The following TBXT variants were observed in gnomAD, a reference collection of about 807,000 sequenced individuals.
TBXT encodes T-box transcription factor T.
In TBXT, 19 loss-of-function variants were observed where a neutral mutation model predicts 41.1. The ratio of observed to expected loss-of-function variants is 0.46; its 90% confidence interval spans 0.32 to 0.68. The LOEUF (loss-of-function observed/expected upper bound fraction) is 0.68. Ranked by LOEUF, TBXT falls within the 30% of genes least tolerant of loss-of-function variation. TBXT has a pLI of 0.03. For synonymous variants in TBXT, 213 were observed against 238.9 expected (o/e 0.89, Z 1.00); for missense variants, 536 against 582.0 (o/e 0.92, Z 0.81).
rs983427901 is a variant in TBXT, at chr6:166,167,719, C to G, written c.-128G>C. The G allele has an allele frequency of 1.8e-4, 213 of 1,178,104 alleles. No homozygotes were observed. Among genetic ancestry groups the G allele is most frequent in the Middle Eastern group, 8.5e-4 (3 of 3,550 alleles). The allele number at this position is 1,178,104 out of a possible 1,614,324, so 73.0% of individuals were successfully genotyped here. A position where few individuals can be genotyped will look rare whatever the true frequency, so the allele number is the denominator to read the frequency against. On this transcript the variant is annotated 5_prime_UTR_variant, in exon 1 of 8. Coordinates refer to ENST00000366876, the MANE Select transcript of TBXT (RefSeq NM_001366285.2). ...CCTTGGACCGAGACCTGCGACGGCT[C>G]CCGGGTCCCGGGTCCCGGCACAGAC...
At chr6:166,163,367 A>G (rs931676177) in intron 5 of TBXT, among the ~76,000 whole-genome samples, 1 of 152,106 alleles carries the variant, frequency 6.6e-6, no homozygotes, top group African/African-American at 2.4e-5. Flanking sequence ...CTCTAAAACT[A>G]CAATTTCTTG....
Position 166,158,345 on chromosome 6 carries a change from T to C in TBXT, c.1281A>G (p.Ser427=), listed in dbSNP as rs1778845889. ...TGGAAGGTGGCGACACAGGTGTCCA[T>C]GAGGCTATGAGGCGGCCTTGGGCTG... ...DAAAQGRLIA[S]WTPVSPPSM The change falls in exon 8 of 8, where the codon TCA becomes TCG. Residue 427 remains serine (S), a synonymous_variant. Transcript: ENST00000366876. 4 of 1,614,184 alleles carry C rather than the reference T, an allele frequency of 2.5e-6. No homozygotes were observed. The highest frequency in any genetic ancestry group is 3.4e-6 in the Non-Finnish European group (4 of 1,180,032).
chr6:166,162,626 G>A lies in TBXT; in HGVS notation c.731-3C>T, dbSNP rs1308644709. The A allele has an allele frequency of 1.2e-6, 2 of 1,609,296 alleles. No homozygotes were observed. Among genetic ancestry groups the A allele is most frequent in the Admixed American group, 1.7e-5 (1 of 59,086 alleles). On this transcript the variant is annotated splice_region_variant and splice_polypyrimidine_tract_variant and intron_variant, in intron 5 of 7. Coordinates refer to ENST00000366876, the MANE Select transcript of TBXT (RefSeq NM_001366285.2). ...TCCAGGAAGAAGCCACCCCCCTGCT[G>A]TGAGAAAAGACAGTGCTGAGTAACC...
Position 166,167,498 on chromosome 6 carries a change from T to C in TBXT, c.94A>G (p.Ser32Gly), listed in dbSNP as rs150278117. ...CGCTCTGTGGGGTCGCCCTTCTCGC[T>C]GCCCGCCTGCAGCTCATTCTCCACG... Reference protein sequence around the residue: ...SAVENELQAGSEKGDPTEREL... With the variant: ...SAVENELQAGGEKGDPTEREL... Residue 32 changes from serine to glycine, a missense_variant, in exon 1 of 8, where the codon AGC (serine) becomes GGC (glycine). Physicochemically the swap from Ser to Gly is moderately conservative, Grantham distance 56 (BLOSUM62 0). Transcript: ENST00000366876. 1.9e-6 allele frequency: 3 copies of C among 1,609,090 alleles called. No individual in the cohort carries two copies. The highest frequency in any genetic ancestry group is 1.7e-5 in the Admixed American group (1 of 59,926).
chr6:166,165,775 C>T lies in TBXT; in HGVS notation c.537G>A (p.Gln179=), dbSNP rs2128523129. Residue 179 remains glutamine, a synonymous_variant, in exon 3 of 8, where the codon CAG becomes CAA. Coordinates refer to ENST00000366876, the MANE Select transcript of TBXT (RefSeq NM_001366285.2). The stretch of plus-strand genomic sequence containing the variant: ...GGAAGCAGTGGCTGGTGATCATGCG[C>T]TGTGGACCCCCAACTCTCACTATGT... ...RIHIVRVGGP[Q]RMITSHCFPE... 6.2e-7 allele frequency: 1 copy of T among 1,614,214 alleles called. No homozygotes were observed. Among genetic ancestry groups the T allele is most frequent in the South Asian group, 1.1e-5 (1 of 91,080 alleles).
intron 7 of TBXT, among the ~76,000 whole-genome samples, chr6:166,158,979 C>A (rs1356855252): frequency 6.6e-6 from 1 of 152,182 alleles, no homozygotes; most frequent in Non-Finnish European, 1.5e-5. Flanking sequence ...TCAAGGCCAG[C>A]CTGACTAACA....
upstream of TBXT, chr6:166,167,883 T>C (rs1030090406): frequency 6.0e-6 from 3 of 499,180 alleles, no homozygotes; most frequent in Middle Eastern, 5.5e-4. Flanking sequence ...TCCCCATAAA[T>C]AGAGCCGCGG....
chr6:166,166,739 T>C lies in TBXT; in HGVS notation c.324A>G (p.Glu108=), dbSNP rs1307073495. The change falls in exon 2 of 8, where the codon GAA becomes GAG. Residue 108 remains glutamate, a synonymous_variant. Transcript: ENST00000366876. The part of the protein sequence containing the change: ...DNHRWKYVNG[E]WVPGGKPEPQ... ...GCTCCGGCTTGCCCCCCGGCACCCA[T>C]TCCCCGTTCACGTACTTCCAGCGGT... is the stretch of plus-strand genomic sequence containing the variant. The C allele has an allele frequency of 1.2e-6, 2 of 1,613,654 alleles. No homozygotes were observed. The highest frequency in any genetic ancestry group is 1.7e-6 in the Non-Finnish European group (2 of 1,180,038).
upstream of TBXT, among the ~76,000 whole-genome samples, chr6:166,168,137 A>G (rs1779197556): frequency 6.6e-6 from 1 of 151,842 alleles, no homozygotes; most frequent in South Asian, 2.1e-4. Context: ...CGGCGGGGCA[A>G]GCCCCGGAGG....
rs142541983 is a variant in TBXT at position 166,161,942 on chromosome 6, C to G, written c.907+505G>C. On this transcript the variant is annotated intron_variant, in intron 6 of 7. Coordinates refer to ENST00000366876, the MANE Select transcript of TBXT (RefSeq NM_001366285.2). ...CGTCTCAAAAAAAAGCACACATTGC[C>G]GGGCCCCACCAAGAGCTGCTGCCTG... Among the ~76,000 whole-genome samples the G allele has an allele frequency of 5.5e-3, 839 of 152,272 alleles. 5 individuals are homozygous for G. Among genetic ancestry groups the G allele is most frequent in the African/African-American group, 0.019 (786 of 41,548 alleles).
chr6:166,168,161 C>CGCCCCGGCCT (rs1184957628), upstream of TBXT, among the ~76,000 whole-genome samples: 2 of 149,648 alleles, frequency 1.3e-5, no homozygotes, highest in East Asian at 1.9e-4. Context: ...GTAAGCTGGA[C>CGCCCCGGCCT]GCCCCGGCCT....
chr6:166,165,664 C>T (rs758863291), intron 3 of TBXT, 42 bp downstream of exon 3: 2 of 1,612,792 alleles, frequency 1.2e-6, no homozygotes, highest in South Asian at 2.2e-5. Flanking sequence ...GCACACCACA[C>T]CGCAGCACAC....
chr6:166,159,180 C>A (rs9348088), intron 7 of TBXT, among the ~76,000 whole-genome samples: 93,587 of 152,120 alleles, frequency 0.62, 28,900 homozygotes, highest in East Asian at 0.84. Context: ...CAAACAAACA[C>A]ACAAAACAGA....
At position 166,167,456 on chromosome 6, in the gene TBXT, G is replaced by A; in HGVS notation, c.136C>T (p.Leu46=). The change falls in exon 1 of 8, where the codon CTG becomes TTG. Residue 46 remains leucine, a synonymous_variant. Coordinates refer to ENST00000366876, the MANE Select transcript of TBXT (RefSeq NM_001366285.2). ...DPTERELRVG[L]EESELWLRFK... is the part of the protein sequence containing the mutation. ...CGCAGCCACAGCTCGCTCTCCTCCAGGCCCACGCGCAGTTCGCGCTCTGTG... is the reference window on the plus strand; with the variant it reads ...CGCAGCCACAGCTCGCTCTCCTCCAAGCCCACGCGCAGTTCGCGCTCTGTG... 2 of 1,612,918 alleles carry A rather than the reference G, an allele frequency of 1.2e-6. No homozygotes were observed. Among genetic ancestry groups the A allele is most frequent in the Non-Finnish European group, 1.7e-6 (2 of 1,179,924 alleles).
rs948199549 is a variant in TBXT, at chr6:166,167,773, G to T, written c.-182C>A. On this transcript the variant is annotated 5_prime_UTR_variant, in exon 1 of 8. Transcript: ENST00000366876. ...GGAGGAGGGCGCGGACCAAGACTTG[G>T]GGGGAGGGGACGGGGGCAGAGGGGT... 3 of 702,978 alleles carry T rather than the reference G, an allele frequency of 4.3e-6. No individual in the cohort carries two copies. The highest frequency in any genetic ancestry group is 2.7e-5 in the East Asian group (1 of 37,034). 43.5% of individuals were successfully genotyped at this position (702,978 alleles called of 1,614,324 possible).
At chr6:166,160,302 T>C (rs953784029) in intron 7 of TBXT, among the ~76,000 whole-genome samples, 5 of 152,210 alleles carry the variant, frequency 3.3e-5, no homozygotes, top group African/African-American at 9.7e-5. Context: ...CTAGCACATA[T>C]ATTAAAGACT....
chr6:166,164,466 G>A (rs1779052410), intron 5 of TBXT, 139 bp downstream of exon 5: 2 of 986,766 alleles, frequency 2.0e-6, no homozygotes, highest in African/African-American at 1.6e-5. Flanking sequence ...AGGGCCAAGA[G>A]CCTCGCATGG....
chr6:166,157,983 A>T lies in TBXT; in HGVS notation c.*332T>A, dbSNP rs1473621182. 2.3e-6 allele frequency: 1 copy of T among 437,750 alleles called. No homozygotes were observed. The highest frequency in any genetic ancestry group is 2.0e-5 in the African/African-American group (1 of 50,270). 27.1% of individuals were successfully genotyped at this position (437,750 alleles called of 1,614,324 possible). On this transcript the variant is annotated 3_prime_UTR_variant, in exon 8 of 8. Coordinates refer to ENST00000366876, the MANE Select transcript of TBXT (RefSeq NM_001366285.2). ...ATTCTGGTGTGCCAAAGTTGCCAATACACTGTATGAGAAATAAACCAAAAA... is the reference window on the plus strand; with the variant it reads ...ATTCTGGTGTGCCAAAGTTGCCAATTCACTGTATGAGAAATAAACCAAAAA...
intron 6 of TBXT, among the ~76,000 whole-genome samples, chr6:166,161,367 A>G (rs1345133596): frequency 1.3e-5 from 2 of 152,272 alleles, no homozygotes; most frequent in East Asian, 3.8e-4. Context: ...ATTAGAAATA[A>G]GATCTTCCTG....
Sources: gnomAD v4.1 joint callset for allele counts (sites outside exome capture counted in the v4.1 genomes callset) on GRCh38, gnomAD v4.1.1 for gene constraint, MANE v1.5 for transcripts, NCBI Gene and HGNC (gene_info 2026-07-23, HGNC 2026-07-21) for gene names.